The following PSMD10 variants were observed in gnomAD, a reference collection of about 807,000 sequenced individuals.
The protein encoded by PSMD10 is 26S proteasome non-ATPase regulatory subunit 10.
PSMD10 carries 2 observed loss-of-function variants against 13.2 expected under a neutral mutation model. The observed-to-expected ratio is 0.15, with a 90% CI of 0.06 to 0.48. PSMD10 has a LOEUF of 0.48. PSMD10 is among the 20% of genes least tolerant of loss of function. The pLI, the probability that PSMD10 is intolerant of heterozygous loss-of-function variation, is 0.97. For synonymous variants in PSMD10, 66 were observed against 64.4 expected (o/e 1.03, Z -0.12); for missense variants, 120 against 167.4 (o/e 0.72, Z 1.56).
intron 4 of PSMD10, chrX:108,086,963 T>C (rs774187520): frequency 8.9e-6 from 1 of 112,368 alleles, no homozygotes; most frequent in African/African-American, 3.2e-5. Context: ...TCTTGCTCTG[T>C]TCCCCAGGCT....
In PSMD10 at chrX:108,088,817, CT is replaced by C. The variant is rs1273325257; in HGVS notation, c.147del (p.Ala50LeufsTer17). On this transcript the variant is annotated frameshift_variant, in exon 2 of 5. Transcript: ENST00000217958. LOFTEE classifies it high-confidence loss of function. ...DSRTALHWACSAGHTEIVEFL... is the reference protein window; with the variant it reads ...DSRTALHWACXAGHTEIVEFL... ...AATTCAACAATTTCTGTATGTCCAGCTGAGCATGCCCAGTGCAATGCAGTTC... is the reference window on the plus strand; with the variant it reads ...AATTCAACAATTTCTGTATGTCCAGCGAGCATGCCCAGTGCAATGCAGTTC... 1 of 1,202,535 alleles carries C rather than the reference CT, an allele frequency of 8.3e-7. No individual in the cohort carries two copies. The highest frequency in any genetic ancestry group is 1.1e-6 in the Non-Finnish European group (1 of 888,451).
chrX:108,086,447 T>C (rs2031498504), intron 4 of PSMD10, among the ~76,000 whole-genome samples: 2 of 111,996 alleles, frequency 1.8e-5, no homozygotes, highest in African/African-American at 6.5e-5. Flanking sequence ...TTTTAAAACT[T>C]CTCTTATGTA....
chrX:108,084,857 C>A lies in PSMD10; in HGVS notation c.*117G>T. The A allele has an allele frequency of 1.2e-6, 1 of 855,281 alleles. No homozygotes were observed. The highest frequency in any genetic ancestry group is 1.6e-6 in the Non-Finnish European group (1 of 629,638). 70.5% of individuals were successfully genotyped at this position (855,281 alleles called of 1,213,427 possible). ...AACAAGAGTCAACATGTTTATAAGA[C>A]TTTGAAGGTGAGAAAACTTCATCAT... On this transcript the variant is annotated 3_prime_UTR_variant, in exon 5 of 5. Transcript: ENST00000217958.
At chrX:108,088,194 CA>C in intron 2 of PSMD10, 95 bp from the exon 3 acceptor site, 1 of 901,533 alleles carries the variant, frequency 1.1e-6, no homozygotes, top group Admixed American at 3.3e-5. Flanking sequence ...TTTACAAAGG[CA>C]AAAAAATATT....
At position 108,088,824 on chromosome X, in the gene PSMD10, T is replaced by C. The variant is rs1343435174; in HGVS notation, c.141A>G (p.Ala47=). 1 of 1,197,161 alleles carries C rather than the reference T, an allele frequency of 8.4e-7. No homozygotes were observed. Among genetic ancestry groups the C allele is most frequent in the Non-Finnish European group, 1.1e-6 (1 of 884,576 alleles). ...CAATTTCTGTATGTCCAGCTGAGCA[T>C]GCCCAGTGCAATGCAGTTCTGCTGT... ...DQDSRTALHW[A]CSAGHTEIVE... is the part of the protein sequence containing the mutation. Residue 47 remains alanine (A), a synonymous_variant, in exon 2 of 5, where the codon GCA becomes GCG. Transcript: ENST00000217958.
At position 108,087,861 on chromosome X, in the gene PSMD10, A is replaced by G; in HGVS notation, c.361-9T>C. ...AGTAACATGACAGCGATCTGGAAAG[A>G]TGGAGAAGAAAGAAGAAAACAATGC... On this transcript the variant is annotated splice_polypyrimidine_tract_variant and intron_variant, in intron 3 of 4. Transcript: ENST00000217958. 8.3e-7 allele frequency: 1 copy of G among 1,211,532 alleles called. No individual in the cohort carries two copies.
At chrX:108,090,178 A>G (rs1375799723) in intron 1 of PSMD10, among the ~76,000 whole-genome samples, 2 of 112,143 alleles carry the variant, frequency 1.8e-5, no homozygotes, top group African/African-American at 3.2e-5. Flanking sequence ...TAACTATGAG[A>G]CCATTATTAC....
At chrX:108,091,337 G>A (rs1461052522) in intron 1 of PSMD10, 70 bp downstream of exon 1, 9 of 1,010,562 alleles carry the variant, frequency 8.9e-6, no homozygotes, top group Non-Finnish European at 1.3e-5. Context: ...CTCCGCTAGG[G>A]CCGGGCCCCG....
chrX:108,085,759 A>G (rs1474413192), intron 4 of PSMD10, among the ~76,000 whole-genome samples: 2 of 111,980 alleles, frequency 1.8e-5, no homozygotes, highest in Non-Finnish European at 3.8e-5. Flanking sequence ...CCTCACAATA[A>G]TCTAGTGAGG....
chrX:108,088,467 G>C, intron 2 of PSMD10: 2 of 329,303 alleles, frequency 6.1e-6, no homozygotes, highest in Non-Finnish European at 1.1e-5. Context: ...CCAGGATAGA[G>C]TACAATGGCT....
At chrX:108,087,911 A>G (rs1355106727) in intron 3 of PSMD10, 42 bp downstream of exon 3, 2 of 1,211,700 alleles carry the variant, frequency 1.7e-6, no homozygotes, top group Non-Finnish European at 2.2e-6. Context: ...GTTTGTATAC[A>G]CGTTTAGAAC....
chrX:108,090,371 C>T (rs2031572261), intron 1 of PSMD10, among the ~76,000 whole-genome samples: 1 of 111,778 alleles, frequency 8.9e-6, no homozygotes, highest in Non-Finnish European at 1.9e-5. Context: ...AGTTCCTTTC[C>T]CTTTTTAAGC....
chrX:108,086,076 A>G, intron 4 of PSMD10, among the ~76,000 whole-genome samples: 1 of 112,014 alleles, frequency 8.9e-6, no homozygotes, highest in East Asian at 2.8e-4. Flanking sequence ...GAGTTAAGAA[A>G]ATAATACTTT....
At chrX:108,090,478 C>T (rs1264890655) in intron 1 of PSMD10, among the ~76,000 whole-genome samples, 2 of 111,885 alleles carry the variant, frequency 1.8e-5, no homozygotes, top group African/African-American at 6.5e-5. Flanking sequence ...TATCACCAGA[C>T]CATAATGAAG....
At chrX:108,086,212 C>T (rs750322540) in intron 4 of PSMD10, among the ~76,000 whole-genome samples, 1 of 111,897 alleles carries the variant, frequency 8.9e-6, no homozygotes, top group Non-Finnish European at 1.9e-5. Flanking sequence ...GGCCAAGTAC[C>T]GTGGAAAAAT....
At position 108,088,772 on chromosome X, in the gene PSMD10, G is replaced by A. The variant is rs757979326; in HGVS notation, c.193C>T (p.Pro65Ser). The A allele has an allele frequency of 1.7e-5, 20 of 1,200,606 alleles. No individual in the cohort carries two copies. The highest frequency in any genetic ancestry group is 2.1e-5 in the Non-Finnish European group (19 of 887,744). Residue 65 changes from proline (P) to serine (S), a missense_variant, in exon 2 of 5, where the codon CCA (proline) becomes TCA (serine). Coordinates refer to ENST00000217958, the MANE Select transcript of PSMD10 (RefSeq NM_002814.4). ...IVEFLLQLGV[P>S]VNDKDDAGWS... ...CTCACATCGTCTTTATCATTCACTGGCACTCCAAGTTGCAACAAAAATTCA... is the reference window on the plus strand; with the variant it reads ...CTCACATCGTCTTTATCATTCACTGACACTCCAAGTTGCAACAAAAATTCA...
intron 1 of PSMD10, among the ~76,000 whole-genome samples, chrX:108,090,236 C>T (rs1223179768): frequency 1.8e-5 from 2 of 111,973 alleles, no homozygotes; most frequent in Non-Finnish European, 3.8e-5. Flanking sequence ...AATATCCGGT[C>T]TGTATTCAGA....
Position 108,084,864 on chromosome X carries a change from G to T in PSMD10, c.*110C>A. ...GTCAACATGTTTATAAGACTTTGAA[G>T]GTGAGAAAACTTCATCATTCATAGA... On this transcript the variant is annotated 3_prime_UTR_variant, in exon 5 of 5. Coordinates refer to ENST00000217958, the MANE Select transcript of PSMD10 (RefSeq NM_002814.4). The T allele has an allele frequency of 1.1e-6, 1 of 886,127 alleles. No individual in the cohort carries two copies. Among genetic ancestry groups the T allele is most frequent in the South Asian group, 3.5e-5 (1 of 28,677 alleles). The allele number at this position is 886,127 out of a possible 1,213,427, so 73.0% of individuals were successfully genotyped here. A position where few individuals can be genotyped will look rare whatever the true frequency, so the allele number is the denominator to read the frequency against.
At position 108,090,031 on chromosome X, in the gene PSMD10, T is replaced by C. The variant is rs2031557410; in HGVS notation, c.115-1181A>G. ...AATAGAAACCCACAGGCCTACTGCTTAGATTTAACAACAAACATCTTGCCC... is the reference window on the plus strand; with the variant it reads ...AATAGAAACCCACAGGCCTACTGCTCAGATTTAACAACAAACATCTTGCCC... On this transcript the variant is annotated intron_variant, in intron 1 of 4. Transcript: ENST00000217958. Among the ~76,000 whole-genome samples the C allele has an allele frequency of 2.7e-5, 3 of 112,008 alleles. No homozygotes were observed. The South Asian group carries it at 1.1e-3, about 41-fold the overall frequency.
Sources: allele counts gnomAD v4.1 joint callset (sites outside exome capture counted in the v4.1 genomes callset), GRCh38; gene constraint gnomAD v4.1.1; transcripts MANE v1.5; gene names NCBI Gene and HGNC (gene_info 2026-07-23, HGNC 2026-07-21).